Variants in LINS1 observed in about 807,000 individuals in gnomAD.
The protein encoded by LINS1 is protein Lines homolog 1.
LINS1 carries 27 observed loss-of-function variants against 41.6 expected under a neutral mutation model. That is an observed-to-expected ratio of 0.65 (90% confidence interval 0.48 to 0.89). The LOEUF (loss-of-function observed/expected upper bound fraction) is 0.89. Among genes scored for constraint, LINS1 ranks in the 40% least tolerant of loss-of-function variants. The probability of loss-of-function intolerance (pLI) is 0.00; values close to 1 mark genes in which losing one functional copy is unlikely to be tolerated. For missense variants in LINS1, 955 were observed against 884.1 expected (o/e 1.08, Z -1.02); for synonymous variants, 336 against 312.9 (o/e 1.07, Z -0.78).
intron 1 of LINS1, among the ~76,000 whole-genome samples, chr15:100,593,569 G>GGC (rs2039131156): frequency 1.5e-5 from 2 of 136,944 alleles, no homozygotes; most frequent in South Asian, 5.1e-4. Context: ...TGGGGGGGGG[G>GGC]GGTGCTTAAT....
intron 1 of LINS1, among the ~76,000 whole-genome samples, chr15:100,583,900 C>T (rs569863185): frequency 6.7e-6 from 1 of 149,842 alleles, no homozygotes; most frequent in East Asian, 2.0e-4. Context: ...GTTATAATAA[C>T]ATTTCTTTTC....
chr15:100,572,485 T>C (rs1040667485), intron 5 of LINS1: 2 of 1,064,986 alleles, frequency 1.9e-6, no homozygotes, highest in Admixed American at 5.0e-5. Context: ...AAAACATATT[T>C]TTTGTTTGTT....
rs1596869264 is a variant in LINS1, at chr15:100,569,379, T to G, written c.2133A>C (p.Arg711Ser). The G allele has an allele frequency of 6.2e-7, 1 of 1,614,150 alleles. No individual in the cohort carries two copies. The highest frequency in any genetic ancestry group is 8.5e-7 in the Non-Finnish European group (1 of 1,180,010). Reference sequence around the variant, plus strand: ...GTAGTTCCTGGAAGCATTTTACTATTCTGTAAAATATTCCCACTTCAGAGA... The same window carrying G: ...GTAGTTCCTGGAAGCATTTTACTATGCTGTAAAATATTCCCACTTCAGAGA... The part of the protein sequence containing the change: ...DVVSEVGIFY[R>S]IVKCFQELQD... The change falls in exon 7 of 7, where the codon AGA (arginine) becomes AGC (serine). Residue 711 changes from arginine to serine, a missense_variant. By Grantham distance (110) the Arg-to-Ser change is moderately radical. Transcript: ENST00000314742.
At chr15:100,585,851 C>T (rs1398007047) in intron 1 of LINS1, among the ~76,000 whole-genome samples, 2 of 152,164 alleles carry the variant, frequency 1.3e-5, no homozygotes, top group African/African-American at 4.8e-5. Flanking sequence ...AAAATAAAAA[C>T]AGAAGTGCCT....
At chr15:100,588,276 T>C (rs1045658237) in intron 1 of LINS1, among the ~76,000 whole-genome samples, 9 of 152,242 alleles carry the variant, frequency 5.9e-5, no homozygotes, top group Non-Finnish European at 1.2e-4. Context: ...CTTGTAACTA[T>C]GTGGCTGTAC....
In LINS1 at chr15:100,571,833, G is replaced by A. The variant is rs1007926357; in HGVS notation, c.1394+61C>T. ...AAGCAACACGCCCAGCACATTCTCA[G>A]AAATGTTTTCTGCTTTCCTGACTTG... On this transcript the variant is annotated intron_variant, in intron 6 of 6. Coordinates refer to ENST00000314742, the MANE Select transcript of LINS1 (RefSeq NM_001040616.3). The A allele has an allele frequency of 2.1e-5, 33 of 1,590,402 alleles. No homozygotes were observed. In the South Asian group the frequency reaches 3.5e-4, roughly 17 times the overall value.
chr15:100,586,521 T>C (rs1178926051), intron 1 of LINS1, among the ~76,000 whole-genome samples: 3 of 152,268 alleles, frequency 2.0e-5, no homozygotes, highest in African/African-American at 4.8e-5. Flanking sequence ...CCACATCTTA[T>C]GGTTCAGGAT....
chr15:100,570,246 A>G (rs2037750051), intron 6 of LINS1, 129 bp from the exon 7 acceptor site: 1 of 748,344 alleles, frequency 1.3e-6, no homozygotes. Flanking sequence ...ACTTCTTAAA[A>G]GAAAAAATTT....
chr15:100,584,519 A>G (rs1446913136), intron 1 of LINS1, among the ~76,000 whole-genome samples: 1 of 152,154 alleles, frequency 6.6e-6, no homozygotes, highest in African/African-American at 2.4e-5. Context: ...TTAGACTGAA[A>G]GGTTTTAAAC....
At chr15:100,587,125 C>T (rs1367061851) in intron 1 of LINS1, among the ~76,000 whole-genome samples, 1 of 135,714 alleles carries the variant, frequency 7.4e-6, no homozygotes, top group Non-Finnish European at 1.5e-5. Flanking sequence ...CACCACTGTA[C>T]TCCAGCCTGG....
rs2037687375 is a variant in LINS1 at position 100,569,506 on chromosome 15, TC to T, written c.2005del (p.Asp669IlefsTer16). The T allele has an allele frequency of 6.2e-7, 1 of 1,614,118 alleles. No homozygotes were observed. The highest frequency in any genetic ancestry group is 1.7e-5 in the Admixed American group (1 of 60,004). The part of the protein sequence containing the change: ...EIQDAAGTSR[D>X]KKEFSLEPPS... ...AGGCTCAAGGCTAAATTCTTTTTTA[TC>T]CCTGCTTGTCCCAGCTGCATCCTGA... is the stretch of plus-strand genomic sequence containing the variant. On this transcript the variant is annotated frameshift_variant, in exon 7 of 7. Transcript: ENST00000314742. LOFTEE classifies it low-confidence loss of function (END_TRUNC).
chr15:100,577,529 C>T (rs1477083264), intron 3 of LINS1, among the ~76,000 whole-genome samples: 1 of 152,136 alleles, frequency 6.6e-6, no homozygotes, highest in Non-Finnish European at 1.5e-5. Context: ...AAAGAGGACA[C>T]AAACAAATGG....
At position 100,573,979 on chromosome 15, in the gene LINS1, C is replaced by A. The variant is rs772564207; in HGVS notation, c.894G>T (p.Lys298Asn). The stretch of plus-strand genomic sequence containing the variant: ...GGCACTTTTTGAGGAATATGATGAC[C>A]TTCCTTTTAACAAAAGCCTGAATAG... The part of the protein sequence containing the change: ...TWPIQAFVKR[K>N]VIIFLKKCLL... The change falls in exon 5 of 7, where the codon AAG (lysine) becomes AAT (asparagine). Residue 298 changes from lysine to asparagine, a missense_variant. Coordinates refer to ENST00000314742, the MANE Select transcript of LINS1 (RefSeq NM_001040616.3). 4 of 1,614,174 alleles carry A rather than the reference C, an allele frequency of 2.5e-6. No homozygotes were observed. Among genetic ancestry groups the A allele is most frequent in the Admixed American group, 3.3e-5 (2 of 60,018 alleles).
At chr15:100,584,310 G>A (rs540143380) in intron 1 of LINS1, among the ~76,000 whole-genome samples, 29 of 152,234 alleles carry the variant, frequency 1.9e-4, no homozygotes, top group Non-Finnish European at 3.4e-4. Flanking sequence ...GGGTCACTAA[G>A]TCCTTAAATT....
intron 1 of LINS1, among the ~76,000 whole-genome samples, chr15:100,593,848 G>T (rs543127636): frequency 6.6e-6 from 1 of 152,250 alleles, no homozygotes; most frequent in East Asian, 1.9e-4. Context: ...CATGCTACGC[G>T]AGATCTAAAA....
rs374144096 is a variant in LINS1 at position 100,569,730 on chromosome 15, G to A, written c.1782C>T (p.Ser594=). 2.0e-5 allele frequency: 32 copies of A among 1,613,638 alleles called. No individual in the cohort carries two copies. The highest frequency in any genetic ancestry group is 1.3e-4 in the Admixed American group (8 of 59,978). The change falls in exon 7 of 7, where the codon TCC becomes TCT. Residue 594 remains serine, a synonymous_variant. Transcript: ENST00000314742. ...RDVCARHSWA[S]DAPSEPLKAV... Reference sequence around the variant, plus strand: ...CTTTCAGTGGTTCAGAGGGAGCATCGGAAGCCCAGGAGTGCCGAGCACACA... The same window carrying A: ...CTTTCAGTGGTTCAGAGGGAGCATCAGAAGCCCAGGAGTGCCGAGCACACA...
Position 100,574,044 on chromosome 15 carries a change from A to G in LINS1, c.829T>C (p.Phe277Leu). 1 of 1,614,086 alleles carries G rather than the reference A, an allele frequency of 6.2e-7. No homozygotes were observed. Among genetic ancestry groups the G allele is most frequent in the African/African-American group, 1.3e-5 (1 of 75,062 alleles). ...TCTAGCATGCAAGATGGTTTCAAAAATAAAATCCTCTGGCAAGTGAAATGT... is the reference window on the plus strand; with the variant it reads ...TCTAGCATGCAAGATGGTTTCAAAAGTAAAATCCTCTGGCAAGTGAAATGT... The part of the protein sequence containing the change: ...KLHFTCQRIL[F>L]LKPSCMLEVI... The change falls in exon 5 of 7, where the codon TTT becomes CTT. Residue 277 changes from phenylalanine (F) to leucine (L), a missense_variant. By Grantham distance (22) the Phe-to-Leu change is conservative. Transcript: ENST00000314742.
chr15:100,575,340 A>C (rs923639738), intron 3 of LINS1, among the ~76,000 whole-genome samples: 1 of 152,178 alleles, frequency 6.6e-6, no homozygotes, highest in Admixed American at 6.5e-5. Flanking sequence ...TCTACCAAGC[A>C]AATGGAAAAC....
At chr15:100,574,552 A>G (rs1215904396) in intron 4 of LINS1, among the ~76,000 whole-genome samples, 3 of 152,158 alleles carry the variant, frequency 2.0e-5, no homozygotes, top group Non-Finnish European at 4.4e-5. Flanking sequence ...TACTAAAAAT[A>G]CAGAAATTAG....
Sources: allele counts gnomAD v4.1 joint callset (sites outside exome capture counted in the v4.1 genomes callset), GRCh38; gene constraint gnomAD v4.1.1; transcripts MANE v1.5; gene names NCBI Gene and HGNC (gene_info 2026-07-23, HGNC 2026-07-21).